The following RPF2 variants were observed in gnomAD, a reference collection of about 807,000 sequenced individuals.
RPF2 encodes the protein brix domain containing 1.
RPF2 carries 21 observed loss-of-function variants against 38.9 expected under a neutral mutation model. The observed-to-expected ratio is 0.54, with a 90% CI of 0.38 to 0.78. RPF2 has a LOEUF of 0.78. Ranked by LOEUF, RPF2 falls within the 30% of genes least tolerant of loss-of-function variation. RPF2 has a pLI of 0.00. For synonymous variants in RPF2, 121 were observed against 126.2 expected (o/e 0.96, Z 0.28); for missense variants, 314 against 358.1 (o/e 0.88, Z 0.99).
intron 2 of RPF2, among the ~76,000 whole-genome samples, chr6:110,988,518 C>G (rs1771562537): frequency 6.6e-6 from 1 of 151,898 alleles, no homozygotes; most frequent in Non-Finnish European, 1.5e-5. Flanking sequence ...TCACCACAGC[C>G]TCGAATTCCT....
chr6:111,013,732 G>A lies in RPF2; in HGVS notation c.494-2022G>A, dbSNP rs1772058360. 3.9e-5 allele frequency among the ~76,000 whole-genome samples: 6 copies of A among 152,282 alleles called. No homozygotes were observed. The South Asian group carries it at 1.0e-3, about 26-fold the overall frequency. On this transcript the variant is annotated intron_variant, in intron 7 of 9. Transcript: ENST00000441448. ...TCAGTAATGCCACACCAATGAGTGA[G>A]CTTTATTAACTTGGCCACTGAAGGA...
chr6:110,990,237 C>G (rs2114296502), intron 3 of RPF2, among the ~76,000 whole-genome samples: 1 of 150,312 alleles, frequency 6.7e-6, no homozygotes, highest in South Asian at 2.1e-4. Context: ...CGTGCCCGGC[C>G]CTAGTTTTCC....
intron 3 of RPF2, among the ~76,000 whole-genome samples, chr6:110,990,765 G>A (rs1771607354): frequency 6.6e-6 from 1 of 151,788 alleles, no homozygotes; most frequent in East Asian, 1.9e-4. Context: ...TAGAGACAGG[G>A]TTTCACCATG....
At chr6:110,989,225 A>G (rs541731847) in intron 3 of RPF2, among the ~76,000 whole-genome samples, 160 bp downstream of exon 3, 1 of 152,120 alleles carries the variant, frequency 6.6e-6, no homozygotes, top group African/African-American at 2.4e-5. Flanking sequence ...TGTTTTTTTC[A>G]TTTGTATTGA....
intron 6 of RPF2, among the ~76,000 whole-genome samples, chr6:111,004,808 A>AC (rs1771881037): frequency 6.6e-6 from 1 of 152,108 alleles, no homozygotes. Flanking sequence ...ACCTCAAGTG[A>AC]TCTACCCACC....
intron 1 of RPF2, among the ~76,000 whole-genome samples, chr6:110,982,756 C>G (rs1219155709): frequency 6.6e-6 from 1 of 152,164 alleles, no homozygotes; most frequent in African/African-American, 2.4e-5. Flanking sequence ...CTGTGATTTT[C>G]TTGCTATTTA....
intron 8 of RPF2, among the ~76,000 whole-genome samples, chr6:111,016,600 C>A (rs9372293): frequency 0.14 from 19,391 of 140,056 alleles, 1,914 homozygotes; most frequent in East Asian, 0.48. Flanking sequence ...GCTGAAAAAA[C>A]AAAAAACAAA....
At chr6:111,002,789 A>G (rs995568157) in intron 6 of RPF2, among the ~76,000 whole-genome samples, 1 of 148,232 alleles carries the variant, frequency 6.7e-6, no homozygotes, top group African/African-American at 2.5e-5. Context: ...TTTTTTTGAG[A>G]GGGAGTTTTG....
At chr6:111,006,216 C>T (rs1311944230) in intron 6 of RPF2, among the ~76,000 whole-genome samples, 1 of 151,664 alleles carries the variant, frequency 6.6e-6, no homozygotes, top group Non-Finnish European at 1.5e-5. Flanking sequence ...CAAGTGTAAG[C>T]CACCACACCT....
chr6:111,011,581 G>A (rs6921621), intron 7 of RPF2, among the ~76,000 whole-genome samples: 19,645 of 152,086 alleles, frequency 0.13, 1,764 homozygotes, highest in East Asian at 0.5. Context: ...GATCCACCGT[G>A]CCTGGTCAAG....
chr6:110,982,043 G>A lies in RPF2; in HGVS notation c.-64G>A. Reference sequence around the variant, plus strand: ...CGCAGCTTCCGGTTCCGCCTGTTCCGGCGCACGTAATCGCCGAGGGCACGT... The same window carrying A: ...CGCAGCTTCCGGTTCCGCCTGTTCCAGCGCACGTAATCGCCGAGGGCACGT... On this transcript the variant is annotated 5_prime_UTR_variant, in exon 1 of 10. Coordinates refer to ENST00000441448, the MANE Select transcript of RPF2 (RefSeq NM_032194.3). The A allele has an allele frequency of 2.5e-6, 4 of 1,596,910 alleles. No individual in the cohort carries two copies. Among genetic ancestry groups the A allele is most frequent in the Admixed American group, 1.7e-5 (1 of 59,954 alleles).
chr6:110,994,694 A>AATAAAAAG lies in RPF2; in HGVS notation c.235-2488_235-2481dup, dbSNP rs201477716. The stretch of plus-strand genomic sequence containing the variant: ...ACTACCCCGTTCTAGAATTTTAAGA[A>AATAAAAAG]ATAAAAAGCAGACTTTGTGGAGAAT... On this transcript the variant is annotated intron_variant, in intron 4 of 9. Transcript: ENST00000441448. 7.9e-3 allele frequency among the ~76,000 whole-genome samples: 1,155 copies of AATAAAAAG among 146,780 alleles called. 10 individuals carry two copies. Among genetic ancestry groups the AATAAAAAG allele is most frequent in the South Asian group, 0.012 (55 of 4,668 alleles).
At chr6:111,016,670 C>CTTTTT (rs71021821) in intron 8 of RPF2, among the ~76,000 whole-genome samples, 2 of 122,178 alleles carry the variant, frequency 1.6e-5, no homozygotes, top group African/African-American at 6.4e-5. Context: ...AATTGTGGTT[C>CTTTTT]TTTTTTTTTT....
intron 5 of RPF2, 58 bp downstream of exon 5, chr6:110,997,322 C>T (rs1476766677): frequency 2.1e-5 from 21 of 988,014 alleles, no homozygotes; most frequent in African/African-American, 8.1e-5. Flanking sequence ...TTAGCAGCAG[C>T]GAATTCATAC....
At chr6:111,013,320 G>C (rs1181814234) in intron 7 of RPF2, among the ~76,000 whole-genome samples, 1 of 152,192 alleles carries the variant, frequency 6.6e-6, no homozygotes, top group Non-Finnish European at 1.5e-5. Flanking sequence ...ACAATACTCT[G>C]TTGTGTTCTA....
At chr6:111,010,873 G>A (rs565809301) in intron 7 of RPF2, among the ~76,000 whole-genome samples, 5 of 151,992 alleles carry the variant, frequency 3.3e-5, no homozygotes, top group African/African-American at 4.8e-5. Flanking sequence ...AAAAAAACAC[G>A]TCACCCATTC....
chr6:110,996,882 A>G (rs999966968), intron 4 of RPF2, among the ~76,000 whole-genome samples: 1 of 152,008 alleles, frequency 6.6e-6, no homozygotes, highest in African/African-American at 2.4e-5. Flanking sequence ...GCTCACTGCA[A>G]CCTCTGCCTT....
chr6:111,016,613 A>AAAC (rs1772114904), intron 8 of RPF2, among the ~76,000 whole-genome samples: 1 of 149,280 alleles, frequency 6.7e-6, no homozygotes, highest in African/African-American at 2.5e-5. Flanking sequence ...AAAACAAAAA[A>AAAC]CTCTTAAGCA....
intron 4 of RPF2, among the ~76,000 whole-genome samples, chr6:110,992,032 C>T (rs957588537): frequency 2.0e-5 from 3 of 152,078 alleles, no homozygotes; most frequent in Admixed American, 2.0e-4. Context: ...CTTGGCCGGG[C>T]GCGGTGGCTC....
Sources: allele counts gnomAD v4.1 joint callset (sites outside exome capture counted in the v4.1 genomes callset), GRCh38; gene constraint gnomAD v4.1.1; transcripts MANE v1.5; gene names NCBI Gene and HGNC (gene_info 2026-07-23, HGNC 2026-07-21).